ZNF790: variants seen among roughly 807,000 people sequenced by gnomAD.
The protein encoded by ZNF790 is zinc finger protein 790.
Under a neutral mutation model 12.1 loss-of-function variants are expected in ZNF790, and 8 were observed. The observed-to-expected ratio is 0.66, with a 90% CI of 0.39 to 1.19. The LOEUF is 1.19. Ranked by LOEUF, ZNF790 falls within the 50% of genes most tolerant of loss-of-function variation. The probability of loss-of-function intolerance (pLI) is 0.01; values close to 1 mark genes in which losing one functional copy is unlikely to be tolerated. For missense variants in ZNF790, 707 were observed against 752.2 expected, an observed-to-expected ratio of 0.94 and a Z score of 0.70; for synonymous variants, 252 against 244.3, an observed-to-expected ratio of 1.03 and a Z score of -0.29.
chr19:36,824,250 G>A (rs966230223), intron 2 of ZNF790, among the ~76,000 whole-genome samples: 1 of 151,790 alleles, frequency 6.6e-6, no homozygotes, highest in African/African-American at 2.4e-5. Context: ...ACCCGCCTCG[G>A]CCTCCCAAAG....
chr19:36,832,473 C>G (rs1268380798), intron 1 of ZNF790, among the ~76,000 whole-genome samples: 3 of 152,126 alleles, frequency 2.0e-5, no homozygotes, highest in African/African-American at 7.2e-5. Flanking sequence ...TGGAGAAAAC[C>G]AGTTGACGTA....
chr19:36,847,724 T>C (rs971915350), intron 1 of ZNF790, among the ~76,000 whole-genome samples: 2 of 144,294 alleles, frequency 1.4e-5, no homozygotes, highest in African/African-American at 5.2e-5. Flanking sequence ...CACTCCAGCC[T>C]GGGCGACAAA....
At chr19:36,828,749 A>G (rs762300256) in intron 1 of ZNF790, among the ~76,000 whole-genome samples, 6 of 152,116 alleles carry the variant, frequency 3.9e-5, no homozygotes, top group African/African-American at 7.2e-5. Flanking sequence ...AAAGTGCTGG[A>G]ATTACAGGTG....
At chr19:36,845,911 C>T (rs1299056789) in intron 1 of ZNF790, among the ~76,000 whole-genome samples, 2 of 151,770 alleles carry the variant, frequency 1.3e-5, no homozygotes, top group East Asian at 1.9e-4. Context: ...CGGGTTCAAG[C>T]GATTCTCCTG....
Position 36,818,860 on chromosome 19 carries a change from C to A in ZNF790, c.1484G>T (p.Arg495Leu), listed in dbSNP as rs771063990. 2 of 1,613,272 alleles carry A rather than the reference C, an allele frequency of 1.2e-6. No homozygotes were observed. Among genetic ancestry groups the A allele is most frequent in the East Asian group, 2.2e-5 (1 of 44,864 alleles). Residue 495 changes from arginine (R) to leucine (L), a missense_variant, in exon 5 of 5, where the codon CGA becomes CTA. By Grantham distance (102) the Arg-to-Leu change is moderately radical. Transcript: ENST00000356725. ...CTTTCCAGTATGAATTTTCTGGTGT[C>A]GATTAAGTTCTGAACCACGAAAAAA... ...KTFFRGSELN[R>L]HQKIHTGKRP...
intron 1 of ZNF790, among the ~76,000 whole-genome samples, chr19:36,830,553 T>G (rs1369858451): frequency 6.6e-6 from 1 of 152,168 alleles, no homozygotes; most frequent in Non-Finnish European, 1.5e-5. Context: ...GCTGTATTCC[T>G]TAATTATAGT....
intron 4 of ZNF790, among the ~76,000 whole-genome samples, chr19:36,821,964 A>T (rs1467334860): frequency 6.6e-6 from 1 of 151,950 alleles, no homozygotes; most frequent in Non-Finnish European, 1.5e-5. Flanking sequence ...CTTCCTCCTC[A>T]CTGTGACCAG....
chr19:36,834,152 A>C (rs1361691786), intron 1 of ZNF790, among the ~76,000 whole-genome samples: 14 of 150,558 alleles, frequency 9.3e-5, no homozygotes, highest in Non-Finnish European at 1.3e-4. Flanking sequence ...CTGAGGCATG[A>C]TAATCACTTG....
At chr19:36,842,120 G>A (rs544621212), upstream of ZNF790, among the ~76,000 whole-genome samples, 40 of 152,280 alleles carry the variant, frequency 2.6e-4, 1 homozygote, top group South Asian at 5.6e-3. Flanking sequence ...AGAACAACTT[G>A]ATATACTGGA....
At chr19:36,828,601 T>C (rs2071882248) in intron 1 of ZNF790, among the ~76,000 whole-genome samples, 1 of 152,162 alleles carries the variant, frequency 6.6e-6, no homozygotes, top group African/African-American at 2.4e-5. Context: ...CTCAGTCTGC[T>C]GAATAGGGTG....
chr19:36,820,156 C>T (rs562687923), intron 4 of ZNF790, 42 bp from the exon 5 acceptor site: 1 of 1,543,778 alleles, frequency 6.5e-7, no homozygotes, highest in Non-Finnish European at 8.7e-7. Context: ...GTTGTATGTA[C>T]AAAAAGCAAT....
In ZNF790 at chr19:36,819,944, G is replaced by C; in HGVS notation, c.400C>G (p.Gln134Glu). 1 of 1,614,028 alleles carries C rather than the reference G, an allele frequency of 6.2e-7. No homozygotes were observed. The highest frequency in any genetic ancestry group is 8.5e-7 in the Non-Finnish European group (1 of 1,179,986). Residue 134 changes from glutamine to glutamate, a missense_variant, in exon 5 of 5, where the codon CAA becomes GAA. Transcript: ENST00000356725. ...ATCACCTGCTTGAAGCATTCCTCTT[G>C]ATTATCTTGAAGTGTTTGAAACTGA... ...NTQFQTLQDN[Q>E]EECFKQVIRT...
chr19:36,820,892 C>G lies in ZNF790; in HGVS notation c.230-778G>C, dbSNP rs111571513. 2.3e-3 allele frequency among the ~76,000 whole-genome samples: 293 copies of G among 126,960 alleles called. 5 individuals carry two copies. Among genetic ancestry groups the G allele is most frequent in the Middle Eastern group, 0.012 (3 of 248 alleles). The allele number at this position is 126,960 out of a possible 152,430, so 83.3% of individuals were successfully genotyped here. A position where few individuals can be genotyped will look rare whatever the true frequency, so the allele number is the denominator to read the frequency against. ...CATGGGTGACAGAGTGAGACCCTGT[C>G]TTTTTTTTTTTTTTTTTTTTAATAC... On this transcript the variant is annotated intron_variant, in intron 4 of 4. Coordinates refer to ENST00000356725, the MANE Select transcript of ZNF790 (RefSeq NM_206894.4).
chr19:36,827,135 C>CATAT (rs2071830499), intron 1 of ZNF790, among the ~76,000 whole-genome samples: 1 of 72,928 alleles, frequency 1.4e-5, no homozygotes, highest in African/African-American at 6.4e-5. Context: ...CACACACACA[C>CATAT]ACACACATAT....
At chr19:36,837,370 C>T (rs1051916614) in intron 1 of ZNF790, among the ~76,000 whole-genome samples, 4 of 152,186 alleles carry the variant, frequency 2.6e-5, no homozygotes, top group Admixed American at 6.6e-5. Flanking sequence ...AACATTTCCC[C>T]AGCTACAGCC....
chr19:36,827,598 T>G (rs1050219169), intron 1 of ZNF790: 8 of 153,046 alleles, frequency 5.2e-5, no homozygotes, highest in African/African-American at 1.9e-4. Flanking sequence ...GACCATTGTT[T>G]GTGTCCATGT....
intron 1 of ZNF790, chr19:36,837,764 C>G (rs2146083822): frequency 6.6e-6 from 1 of 152,392 alleles, no homozygotes; most frequent in South Asian, 2.1e-4. Flanking sequence ...GCCCTCTACC[C>G]CAACCTGCTG....
intron 3 of ZNF790, 48 bp downstream of exon 3, chr19:36,823,619 A>G (rs1308632358): frequency 7.6e-6 from 12 of 1,585,200 alleles, no homozygotes; most frequent in Non-Finnish European, 1.0e-5. Context: ...AATAAAAAAA[A>G]TCACAATACA....
chr19:36,827,135 CACACACATATAT>C (rs2071830855), intron 1 of ZNF790, among the ~76,000 whole-genome samples: 1 of 72,930 alleles, frequency 1.4e-5, no homozygotes, highest in Non-Finnish European at 2.6e-5. Context: ...CACACACACA[CACACACATATAT>C]ATATATATAT....
Sources: allele counts gnomAD v4.1 joint callset (sites outside exome capture counted in the v4.1 genomes callset), GRCh38; gene constraint gnomAD v4.1.1; transcripts MANE v1.5; gene names NCBI Gene and HGNC (gene_info 2026-07-23, HGNC 2026-07-21).